Variants in ABCC10 observed in about 807,000 individuals in gnomAD.
The protein encoded by ABCC10 is ATP binding cassette subfamily C member 10.
ABCC10 carries 110 observed loss-of-function variants against 143.2 expected under a neutral mutation model. That is an observed-to-expected ratio of 0.77 (90% CI 0.66 to 0.90). The LOEUF (loss-of-function observed/expected upper bound fraction) is 0.90, where lower values mean the gene tolerates loss of function less well. ABCC10 is among the 40% of genes least tolerant of loss of function. The probability of loss-of-function intolerance (pLI) is 0.00; values close to 1 mark genes in which losing one functional copy is unlikely to be tolerated. For synonymous variants in ABCC10, 805 were observed against 846.7 expected (o/e 0.95, Z 0.85); for missense variants, 1,700 against 1,900.5 (o/e 0.89, Z 1.96).
chr6:43,450,490 C>T (rs13204977), downstream of ABCC10: 1 of 1,517,182 alleles, frequency 6.6e-7, no homozygotes, highest in South Asian at 1.3e-5. The surrounding 1 kb of genome is among the most constrained non-coding windows in gnomAD (Gnocchi z 4.5). Context: ...CCACTCCAGT[C>T]TGAGGGGTGG....
Position 43,449,470 on chromosome 6 carries a change from C to CAGCT in ABCC10, c.4253_4256dup (p.Leu1420AlafsTer21). ...AGCAAGTGTGGACCAGAAGACAGAC[C>CAGCT]AGCTGCTCCAGCAGACCATCTGCAA... On this transcript the variant is annotated frameshift_variant, in exon 21 of 22. Transcript: ENST00000372530. LOFTEE classifies it high-confidence loss of function. The CAGCT allele has an allele frequency of 6.2e-7, 1 of 1,614,056 alleles. No individual in the cohort carries two copies. Among genetic ancestry groups the CAGCT allele is most frequent in the Non-Finnish European group, 8.5e-7 (1 of 1,179,960 alleles).
At chr6:43,427,814 G>T in intron 1 of ABCC10, 57 bp downstream of exon 1, 1 of 794,690 alleles carries the variant, frequency 1.3e-6, no homozygotes, top group Non-Finnish European at 2.1e-6. Flanking sequence ...TTTTACCCTT[G>T]GTACCGCGAG....
Position 43,447,420 on chromosome 6 carries a change from C to G in ABCC10, c.3705+12C>G, listed in dbSNP as rs373305147. The G allele has an allele frequency of 9.3e-6, 15 of 1,611,362 alleles. No homozygotes were observed. The highest frequency in any genetic ancestry group is 1.3e-5 in the Non-Finnish European group (15 of 1,179,194). On this transcript the variant is annotated intron_variant, in intron 17 of 21. Transcript: ENST00000372530. Reference sequence around the variant, plus strand: ...GCCAGCCACTGCAGGTGGGCCTGTACCCCCACCCCAGGCCAAAGCTCTGGA... The same window carrying G: ...GCCAGCCACTGCAGGTGGGCCTGTAGCCCCACCCCAGGCCAAAGCTCTGGA...
Position 43,444,832 on chromosome 6 carries a change from C to G in ABCC10, c.2734C>G (p.Gln912Glu), listed in dbSNP as rs1356550131. 6.2e-7 allele frequency: 1 copy of G among 1,612,966 alleles called. No homozygotes were observed. Among genetic ancestry groups the G allele is most frequent in the South Asian group, 1.1e-5 (1 of 90,934 alleles). ...ADWWLSHWISQLKAENSSQEA... is the reference protein window; with the variant it reads ...ADWWLSHWISELKAENSSQEA... ...CTGGTGGCTCTCCCACTGGATCTCT[C>G]AGCTGAAGGCTGAGAATAGCTCCCA... Residue 912 changes from glutamine (Q) to glutamate (E), a missense_variant, in exon 13 of 22, where the codon CAG (glutamine) becomes GAG (glutamate). Transcript: ENST00000372530.
At chr6:43,434,892 G>C (rs1384624325) in intron 4 of ABCC10, 44 bp downstream of exon 4, 10 of 1,586,068 alleles carry the variant, frequency 6.3e-6, no homozygotes, top group Non-Finnish European at 8.7e-6. Flanking sequence ...GGAGACTTCA[G>C]CGAAGTGAAG....
intron 17 of ABCC10, 107 bp downstream of exon 17, chr6:43,447,515 CCT>C: frequency 6.4e-7 from 1 of 1,556,934 alleles, no homozygotes. Flanking sequence ...GCTCCCATAA[CCT>C]CTCTTCATGA....
At chr6:43,449,896 C>T (rs752778434) in intron 21 of ABCC10, 33 bp from the exon 22 acceptor site, 18 of 1,611,784 alleles carry the variant, frequency 1.1e-5, no homozygotes, top group Middle Eastern at 1.7e-4. Flanking sequence ...CATTGTCCCT[C>T]ATCCCCTACA....
chr6:43,432,453 G>T lies in ABCC10; in HGVS notation c.473G>T (p.Gly158Val), dbSNP rs761133267. ...ACCGTGTTGTGGCATTGCCAGCGAG[G>T]CACACTTCTGCCCCCACTTCTCCCA... ...VLTVLWHCQR[G>V]TLLPPLLPGP... is the part of the protein sequence containing the mutation. Residue 158 changes from glycine to valine, a missense_variant, in exon 3 of 22, where the codon GGC becomes GTC. Transcript: ENST00000372530. 6.2e-7 allele frequency: 1 copy of T among 1,611,618 alleles called. No homozygotes were observed. Among genetic ancestry groups the T allele is most frequent in the Non-Finnish European group, 8.5e-7 (1 of 1,180,026 alleles).
intron 5 of ABCC10, 23 bp from the exon 6 acceptor site, chr6:43,436,115 A>G (rs898904456): frequency 4.3e-6 from 7 of 1,613,914 alleles, no homozygotes; most frequent in East Asian, 2.2e-5. Context: ...TAGGAGCCCA[A>G]ATCAAGTGGC....
chr6:43,444,420 A>G, intron 12 of ABCC10, 67 bp downstream of exon 12: 1 of 1,486,440 alleles, frequency 6.7e-7, no homozygotes, highest in Non-Finnish European at 9.0e-7. Flanking sequence ...ATTACCTTGC[A>G]CTAATCATTA....
Position 43,438,678 on chromosome 6 carries a change from C to G in ABCC10, c.2010C>G (p.Thr670=). 1 of 1,614,194 alleles carries G rather than the reference C, an allele frequency of 6.2e-7. No individual in the cohort carries two copies. The highest frequency in any genetic ancestry group is 8.5e-7 in the Non-Finnish European group (1 of 1,180,028). ...TGTCCAAGGGCTTTGGCCTGGCCAC[C>G]CAGGAACCCTGGATCCAGTTTGCCA... is the stretch of plus-strand genomic sequence containing the variant. ...RGLSKGFGLA[T]QEPWIQFATI... is the part of the protein sequence containing the mutation. The change falls in exon 8 of 22, where the codon ACC becomes ACG. Residue 670 remains threonine (T), a synonymous_variant. Transcript: ENST00000372530.
chr6:43,437,006 A>C (rs1170957792), intron 6 of ABCC10, among the ~76,000 whole-genome samples: 1 of 152,174 alleles, frequency 6.6e-6, no homozygotes, highest in Non-Finnish European at 1.5e-5. Flanking sequence ...AAGAATTTAT[A>C]ATAAGGATGT....
intron 2 of ABCC10, among the ~76,000 whole-genome samples, chr6:43,430,569 T>C (rs1454724590): frequency 6.6e-6 from 1 of 150,862 alleles, no homozygotes; most frequent in African/African-American, 2.4e-5. Context: ...CGCTCCAGCC[T>C]GGCGACAGAG....
Position 43,444,139 on chromosome 6 carries a change from A to G in ABCC10, c.2495-20A>G. On this transcript the variant is annotated intron_variant, in intron 11 of 21. Coordinates refer to ENST00000372530, the MANE Select transcript of ABCC10 (RefSeq NM_001198934.2). ...GGCACCCTGCAAGCTTAATTCTTCC[A>G]TGACCCCTGATTCTCACAGCCACAG... The G allele has an allele frequency of 1.9e-6, 3 of 1,611,390 alleles. No homozygotes were observed. The highest frequency in any genetic ancestry group is 1.7e-6 in the Non-Finnish European group (2 of 1,178,068).
chr6:43,449,916 T>C lies in ABCC10; in HGVS notation c.4317-13T>C. 6.2e-7 allele frequency: 1 copy of C among 1,613,920 alleles called. No individual in the cohort carries two copies. On this transcript the variant is annotated splice_polypyrimidine_tract_variant and intron_variant, in intron 21 of 21. Coordinates refer to ENST00000372530, the MANE Select transcript of ABCC10 (RefSeq NM_001198934.2). ...TCCCTCATCCCCTACACTGACCATC[T>C]TCCCCCTCACAGGCTCAACACGATC...
intron 6 of ABCC10, 107 bp from the exon 7 acceptor site, chr6:43,437,827 A>G: frequency 9.6e-7 from 1 of 1,036,862 alleles, no homozygotes; most frequent in Non-Finnish European, 1.5e-6. Context: ...AGAAGAAAAG[A>G]GAAGCCTCAG....
At chr6:43,450,548 T>C (rs867979411), downstream of ABCC10, 8 of 1,561,848 alleles carry the variant, frequency 5.1e-6, no homozygotes, top group South Asian at 8.6e-5. The surrounding 1 kb of genome is among the most constrained non-coding windows in gnomAD (Gnocchi z 4.5). Flanking sequence ...ATCACAGTGC[T>C]GTGGTCTTTC....
rs1484315740 is a variant in ABCC10 at position 43,449,962 on chromosome 6, G to A, written c.4350G>A (p.Leu1450=). The stretch of plus-strand genomic sequence containing the variant: ...CGATCCTGAACTCAGACCGGGTGCT[G>A]GTGCTACAAGCGGGGAGAGTGGTAG... The part of the protein sequence containing the change: ...LNTILNSDRV[L]VLQAGRVVEL... The change falls in exon 22 of 22, where the codon CTG becomes CTA. Residue 1450 remains leucine (L), a synonymous_variant. Transcript: ENST00000372530. The A allele has an allele frequency of 1.9e-6, 3 of 1,614,050 alleles. No homozygotes were observed. The highest frequency in any genetic ancestry group is 2.5e-6 in the Non-Finnish European group (3 of 1,179,988).
Position 43,444,687 on chromosome 6 carries a change from T to C in ABCC10, c.2690-101T>C, listed in dbSNP as rs1581772815. The C allele has an allele frequency of 2.7e-6, 4 of 1,477,802 alleles. No homozygotes were observed. The East Asian group carries it at 9.2e-5, about 34-fold the overall frequency. 91.5% of individuals were successfully genotyped at this position (1,477,802 alleles called of 1,614,324 possible). A position where few individuals can be genotyped will look rare whatever the true frequency, so the allele number is the denominator to read the frequency against. On this transcript the variant is annotated intron_variant, in intron 12 of 21. Transcript: ENST00000372530. Reference sequence around the variant, plus strand: ...GGAGGCCAGGCCAGGCGGATGGAGATGGGCAGGAACCAGAGGCAAGGGCGG... The same window carrying C: ...GGAGGCCAGGCCAGGCGGATGGAGACGGGCAGGAACCAGAGGCAAGGGCGG...
Sources: gnomAD v4.1 joint callset for allele counts (sites outside exome capture counted in the v4.1 genomes callset) on GRCh38, gnomAD v4.1.1 for gene constraint, Gnocchi (gnomAD v3.1) non-coding constraint, MANE v1.5 for transcripts, NCBI Gene and HGNC (gene_info 2026-07-23, HGNC 2026-07-21) for gene names.